The following SAMD12 variants were observed in gnomAD, a reference collection of about 807,000 sequenced individuals.
SAMD12 encodes sterile alpha motif domain containing 12.
In SAMD12, 9 loss-of-function variants were observed where a neutral mutation model predicts 15.0. That is an observed-to-expected ratio of 0.60 (90% CI 0.36 to 1.05). SAMD12 has a LOEUF of 1.05. Among genes scored for constraint, SAMD12 ranks in the 50% least tolerant of loss-of-function variants. The probability of loss-of-function intolerance (pLI) is 0.01; values close to 1 mark genes in which losing one functional copy is unlikely to be tolerated. For missense variants in SAMD12, 230 were observed against 234.2 expected, an observed-to-expected ratio of 0.98 and a Z score of 0.12; for synonymous variants, 86 against 90.1, an observed-to-expected ratio of 0.96 and a Z score of 0.25.
At chr8:118,495,514 AC>A (rs1824582728) in intron 2 of SAMD12, among the ~76,000 whole-genome samples, 2 of 151,550 alleles carry the variant, frequency 1.3e-5, no homozygotes, top group South Asian at 4.2e-4. Flanking sequence ...GCATTTTGAT[AC>A]TACAGGAAGA....
At chr8:118,554,849 G>A (rs978944446) in intron 2 of SAMD12, among the ~76,000 whole-genome samples, 1 of 152,158 alleles carries the variant, frequency 6.6e-6, no homozygotes, top group Non-Finnish European at 1.5e-5. Flanking sequence ...TCCTGCCTGA[G>A]TTTCCAGACA....
chr8:118,452,539 C>T (rs1200818147), intron 2 of SAMD12, among the ~76,000 whole-genome samples: 2 of 152,042 alleles, frequency 1.3e-5, no homozygotes, highest in Non-Finnish European at 2.9e-5. Flanking sequence ...AAACTTTTTC[C>T]AGAATCCATG....
rs1563723641 is a variant in SAMD12, at chr8:118,269,257, TG to T, written c.434-71526del. On this transcript the variant is annotated intron_variant, in intron 4 of 4. Coordinates refer to the SAMD12 transcript ENST00000409003. The stretch of plus-strand genomic sequence containing the variant: ...GTGTGTGTGTGTGTGTGTGTGTGTG[TG>T]TGTAAGCAGGAAACAAATGTAGAAG... 3.5e-3 allele frequency among the ~76,000 whole-genome samples: 484 copies of T among 138,140 alleles called. 6 individuals are homozygous for T. The highest frequency in any genetic ancestry group is 0.013 in the African/African-American group (460 of 35,830). 90.6% of individuals were successfully genotyped at this position (138,140 alleles called of 152,430 possible). A position where few individuals can be genotyped will look rare whatever the true frequency, so the allele number is the denominator to read the frequency against.
At chr8:118,249,366 C>A (rs1245316897) in intron 4 of SAMD12, among the ~76,000 whole-genome samples, 1 of 152,102 alleles carries the variant, frequency 6.6e-6, no homozygotes, top group South Asian at 2.1e-4. Flanking sequence ...TAATAAATAC[C>A]TAATCCAATA....
intron 4 of SAMD12, among the ~76,000 whole-genome samples, chr8:118,225,377 G>C (rs949787389): frequency 6.6e-6 from 1 of 152,094 alleles, no homozygotes; most frequent in Admixed American, 6.6e-5. Flanking sequence ...CTAAAAAAAG[G>C]CCACTCCATT....
At chr8:118,163,397 G>C in the SAMD12 span, among the ~76,000 whole-genome samples, 1 of 152,172 alleles carries the variant, frequency 6.6e-6, no homozygotes, top group Admixed American at 6.5e-5. Context: ...TTCTATTAGA[G>C]TTTGGGTAAT....
intron 4 of SAMD12, among the ~76,000 whole-genome samples, chr8:118,204,008 T>G (rs763057062): frequency 6.6e-6 from 1 of 152,070 alleles, no homozygotes; most frequent in Non-Finnish European, 1.5e-5. Context: ...AACATAAGTG[T>G]GCCTCGTGTA....
chr8:118,357,414 T>G (rs990533827), intron 4 of SAMD12, among the ~76,000 whole-genome samples: 2 of 152,084 alleles, frequency 1.3e-5, no homozygotes, highest in Admixed American at 1.3e-4. Context: ...ATTTTTGTAT[T>G]TTTAGTACAG....
chr8:118,458,760 T>C (rs1451767775), intron 2 of SAMD12, among the ~76,000 whole-genome samples: 3 of 152,204 alleles, frequency 2.0e-5, no homozygotes, highest in Non-Finnish European at 4.4e-5. Context: ...TTCAATCATA[T>C]TATTTCTACT....
the SAMD12 span, among the ~76,000 whole-genome samples, chr8:118,182,161 G>A: frequency 6.6e-6 from 1 of 152,168 alleles, no homozygotes; most frequent in Non-Finnish European, 1.5e-5. Context: ...CACCTATAAA[G>A]AGACATTAAG....
At chr8:118,223,831 G>A (rs1246137622) in intron 4 of SAMD12, among the ~76,000 whole-genome samples, 3 of 152,202 alleles carry the variant, frequency 2.0e-5, no homozygotes, top group African/African-American at 7.2e-5. Context: ...GCAGTTAGGA[G>A]ATCTTGTTTT....
At chr8:118,550,036 C>T (rs1260091126) in intron 2 of SAMD12, among the ~76,000 whole-genome samples, 1 of 152,070 alleles carries the variant, frequency 6.6e-6, no homozygotes. Flanking sequence ...TGTGAAAAGA[C>T]CAAATCTACG....
intron 2 of SAMD12, among the ~76,000 whole-genome samples, chr8:118,483,864 T>G (rs1382153112): frequency 1.3e-5 from 2 of 152,168 alleles, no homozygotes; most frequent in Non-Finnish European, 2.9e-5. Context: ...GAGATTAACC[T>G]GCAGAAGGTC....
At chr8:118,407,826 A>C (rs1396660655) in intron 3 of SAMD12, among the ~76,000 whole-genome samples, 2 of 152,064 alleles carry the variant, frequency 1.3e-5, no homozygotes, top group Non-Finnish European at 2.9e-5. Flanking sequence ...TCAGTTAGTC[A>C]CTCACATTCC....
intron 4 of SAMD12, among the ~76,000 whole-genome samples, chr8:118,303,368 G>A: frequency 6.6e-6 from 1 of 152,136 alleles, no homozygotes; most frequent in East Asian, 1.9e-4. Context: ...AACAACAACT[G>A]TACATTAGGG....
the SAMD12 span, among the ~76,000 whole-genome samples, chr8:118,176,296 G>A: frequency 6.6e-6 from 1 of 151,876 alleles, no homozygotes; most frequent in African/African-American, 2.4e-5. Flanking sequence ...GCAAAACTCT[G>A]TCTAAAAAAA....
chr8:118,437,062 G>A (rs1232673016), intron 3 of SAMD12, among the ~76,000 whole-genome samples: 2 of 152,080 alleles, frequency 1.3e-5, no homozygotes, highest in South Asian at 4.1e-4. Flanking sequence ...GGTGAGGTTT[G>A]CTCTGTCATC....
At chr8:118,605,550 T>G (rs1236744598) in intron 1 of SAMD12, among the ~76,000 whole-genome samples, 1 of 152,098 alleles carries the variant, frequency 6.6e-6, no homozygotes, top group Non-Finnish European at 1.5e-5. Context: ...GAATTCTTAC[T>G]CTCTCATTTA....
chr8:118,346,635 CCCCAGGTTCTGCGA>C (rs1293412549), intron 4 of SAMD12, among the ~76,000 whole-genome samples: 13 of 152,160 alleles, frequency 8.5e-5, no homozygotes, highest in African/African-American at 2.9e-4. Flanking sequence ...CTAAGAGCAA[CCCCAGGTTCTGCGA>C]TTCACTAGGA....
Sources: allele counts gnomAD v4.1 joint callset (sites outside exome capture counted in the v4.1 genomes callset), GRCh38; gene constraint gnomAD v4.1.1; transcripts MANE v1.5; gene names NCBI Gene and HGNC (gene_info 2026-07-23, HGNC 2026-07-21).